The following TMEM164 variants were observed in gnomAD, a reference collection of about 807,000 sequenced individuals.
The protein encoded by TMEM164 is transmembrane protein 164.
TMEM164 carries 4 observed loss-of-function variants against 18.8 expected under a neutral mutation model. The observed-to-expected ratio is 0.21, with a 90% CI of 0.10 to 0.49. The LOEUF is 0.49. Ranked by LOEUF, TMEM164 falls within the 20% of genes least tolerant of loss-of-function variation. The pLI, the probability that TMEM164 is intolerant of heterozygous loss-of-function variation, is 0.98. For missense variants in TMEM164, 108 were observed against 239.9 expected (o/e 0.45, Z 3.63); for synonymous variants, 86 against 101.7 (o/e 0.85, Z 0.93).
chrX:110,061,090 A>G, intron 2 of TMEM164, among the ~76,000 whole-genome samples: 2 of 112,626 alleles, frequency 1.8e-5, no homozygotes, highest in Middle Eastern at 4.6e-3. Context: ...ACATGGAATT[A>G]AAACAAGTGA....
intron 3 of TMEM164, among the ~76,000 whole-genome samples, chrX:110,097,751 T>G (rs1204338389): frequency 8.9e-6 from 1 of 111,936 alleles, no homozygotes; most frequent in East Asian, 2.8e-4. Flanking sequence ...TGCTAATTTT[T>G]AAAATATTTT....
chrX:110,023,519 G>A (rs940125617), intron 2 of TMEM164, among the ~76,000 whole-genome samples: 1 of 110,978 alleles, frequency 9.0e-6, no homozygotes, highest in African/African-American at 3.3e-5. Context: ...GAAGGTTCAG[G>A]TATAATTCAA....
chrX:110,061,792 A>T (rs1403536149), intron 2 of TMEM164, among the ~76,000 whole-genome samples: 1 of 111,565 alleles, frequency 9.0e-6, no homozygotes, highest in Non-Finnish European at 1.9e-5. Flanking sequence ...AAATCACCAG[A>T]ATGGGCGTTT....
chrX:110,044,624 C>CT (rs1278003491), intron 2 of TMEM164, among the ~76,000 whole-genome samples: 2 of 31,954 alleles, frequency 6.3e-5, no homozygotes, highest in Non-Finnish European at 1.1e-4. Context: ...TTTTTTTTTA[C>CT]TTTTTTTCTA....
chrX:110,145,518 G>T (rs1440395687), intron 5 of TMEM164, among the ~76,000 whole-genome samples: 2 of 111,730 alleles, frequency 1.8e-5, no homozygotes, highest in African/African-American at 6.5e-5. Flanking sequence ...AAGGAAAGGG[G>T]TGCCTATCCA....
At chrX:110,182,282 A>T, downstream of TMEM164, 1 of 110,476 alleles carries the variant, frequency 9.1e-6, no homozygotes, top group East Asian at 2.9e-4. Flanking sequence ...TCATTCTAAC[A>T]CTCCTCTTTT....
At chrX:110,094,298 A>G (rs1015053220) in intron 3 of TMEM164, among the ~76,000 whole-genome samples, 8 of 111,442 alleles carry the variant, frequency 7.2e-5, no homozygotes, top group Non-Finnish European at 1.5e-4. Flanking sequence ...AAAGTCTCCT[A>G]TTATTATTGT....
At chrX:110,011,099 G>A (rs969608528) in intron 2 of TMEM164, among the ~76,000 whole-genome samples, 2 of 111,487 alleles carry the variant, frequency 1.8e-5, no homozygotes, top group South Asian at 3.7e-4. Context: ...AATGCCTATT[G>A]TGTGCCAAAC....
At chrX:110,050,249 C>A (rs1935495559) in intron 2 of TMEM164, among the ~76,000 whole-genome samples, 1 of 111,028 alleles carries the variant, frequency 9.0e-6, no homozygotes, top group South Asian at 3.8e-4. Flanking sequence ...AACTCTGGGC[C>A]ATTTGCATGT....
chrX:110,005,076 A>G (rs929719301), intron 2 of TMEM164, among the ~76,000 whole-genome samples: 3 of 112,158 alleles, frequency 2.7e-5, no homozygotes, highest in East Asian at 2.8e-4. Context: ...GGAAGAGGAG[A>G]CTGGGAGAGC....
chrX:110,054,218 G>A (rs777471986), intron 2 of TMEM164, among the ~76,000 whole-genome samples: 1 of 111,808 alleles, frequency 8.9e-6, no homozygotes, highest in Non-Finnish European at 1.9e-5. Context: ...TAATAGGATT[G>A]CTATGAAGAA....
intron 3 of TMEM164, among the ~76,000 whole-genome samples, chrX:110,072,342 A>G (rs1223294555): frequency 9.1e-6 from 1 of 109,570 alleles, no homozygotes; most frequent in African/African-American, 3.3e-5. Context: ...TTTAAAGGTA[A>G]GATAATCTGT....
chrX:110,070,992 A>G (rs993817529), intron 3 of TMEM164, among the ~76,000 whole-genome samples: 42 of 110,978 alleles, frequency 3.8e-4, no homozygotes, highest in African/African-American at 1.3e-3. Flanking sequence ...TGCATTTGCT[A>G]GAAATTCAGA....
chrX:110,034,041 T>C (rs1934650584), intron 2 of TMEM164, among the ~76,000 whole-genome samples: 1 of 109,093 alleles, frequency 9.2e-6, no homozygotes, highest in African/African-American at 3.4e-5. Flanking sequence ...TGTCATAGAG[T>C]TCATTCAGAG....
At chrX:110,043,390 G>T (rs2147788175) in intron 2 of TMEM164, among the ~76,000 whole-genome samples, 1 of 112,550 alleles carries the variant, frequency 8.9e-6, no homozygotes, top group Admixed American at 9.4e-5. Context: ...AGGAAATGTA[G>T]AATAAGTTAG....
intron 3 of TMEM164, among the ~76,000 whole-genome samples, chrX:110,068,265 G>C (rs986702687): frequency 8.9e-6 from 1 of 112,256 alleles, no homozygotes; most frequent in Non-Finnish European, 1.9e-5. Context: ...GCTTCAAATA[G>C]CTCCCTGAAA....
At chrX:110,059,944 A>G (rs1238556654) in intron 2 of TMEM164, among the ~76,000 whole-genome samples, 1 of 110,864 alleles carries the variant, frequency 9.0e-6, no homozygotes, top group Non-Finnish European at 1.9e-5. Flanking sequence ...CTAGGAAAAG[A>G]TAGTGAGGGT....
At chrX:110,108,499 A>G (rs1305122526) in intron 3 of TMEM164, among the ~76,000 whole-genome samples, 2 of 111,511 alleles carry the variant, frequency 1.8e-5, no homozygotes, top group African/African-American at 6.5e-5. Context: ...ACAGAGCCCA[A>G]TATGTAAATG....
chrX:110,155,892 C>T (rs938918958), intron 5 of TMEM164, among the ~76,000 whole-genome samples: 1 of 111,720 alleles, frequency 9.0e-6, no homozygotes, highest in African/African-American at 3.3e-5. Context: ...TATCACTTTA[C>T]CTTCTGGTTT....
Sources: gnomAD v4.1 joint callset for allele counts (sites outside exome capture counted in the v4.1 genomes callset) on GRCh38, gnomAD v4.1.1 for gene constraint, MANE v1.5 for transcripts, NCBI Gene and HGNC (gene_info 2026-07-23, HGNC 2026-07-21) for gene names.